Variants in TVP23A observed in about 807,000 individuals in gnomAD.
TVP23A encodes trans-golgi network vesicle protein 23 homolog A, also known as Golgi apparatus membrane protein TVP23 homolog A.
TVP23A carries 21 observed loss-of-function variants against 31.7 expected under a neutral mutation model. The ratio of observed to expected loss-of-function variants is 0.66; its 90% confidence interval spans 0.47 to 0.95. The LOEUF is 0.95. TVP23A is among the 40% of genes least tolerant of loss of function. The pLI, the probability that TVP23A is intolerant of heterozygous loss-of-function variation, is 0.00. For synonymous variants in TVP23A, 104 were observed against 96.0 expected (o/e 1.08, Z -0.49); for missense variants, 279 against 255.6 (o/e 1.09, Z -0.62).
intron 2 of TVP23A, among the ~76,000 whole-genome samples, chr16:10,810,092 G>A (rs910379417): frequency 6.6e-6 from 1 of 152,124 alleles, no homozygotes; most frequent in Non-Finnish European, 1.5e-5. Context: ...AAACCGGGAT[G>A]AACCTGGAAA....
intron 2 of TVP23A, among the ~76,000 whole-genome samples, chr16:10,805,041 T>A (rs2033879437): frequency 6.6e-6 from 1 of 152,054 alleles, no homozygotes; most frequent in African/African-American, 2.4e-5. Flanking sequence ...ATCTTTTCTT[T>A]TTCTTTCTTT....
chr16:10,818,221 G>T lies in TVP23A; in HGVS notation c.10-39C>A. ...AAGGGCAGGTGGCAGGCCCAAGCAC[G>T]GCGCACACCCCAACCCCACCCGCCC... On this transcript the variant is annotated intron_variant, in intron 1 of 7. Transcript: ENST00000299866. This position sits in a 1 kb window ranked among gnomAD's most constrained non-coding sequence, Gnocchi z 4.7. 1 of 1,534,842 alleles carries T rather than the reference G, an allele frequency of 6.5e-7. No homozygotes were observed. Among genetic ancestry groups the T allele is most frequent in the Non-Finnish European group, 8.9e-7 (1 of 1,128,060 alleles).
chr16:10,784,689 C>T (rs959563770), intron 2 of TVP23A, among the ~76,000 whole-genome samples: 1 of 152,028 alleles, frequency 6.6e-6, no homozygotes. Flanking sequence ...TCAAGTGTAA[C>T]ACATATACCA....
rs8057080 is a variant in TVP23A at position 10,780,766 on chromosome 16, T to C, written c.90-5670A>G. Among the ~76,000 whole-genome samples the C allele has an allele frequency of 2.6e-5, 4 of 152,204 alleles. No individual in the cohort carries two copies. The South Asian group carries it at 8.3e-4, about 32-fold the overall frequency. ...ATAAAAGTGCCTGAAACACACACCA[T>C]GCTCAAAAACAGGTGACAGCCATTA... On this transcript the variant is annotated intron_variant, in intron 2 of 7. Coordinates refer to ENST00000299866, the MANE Select transcript of TVP23A (RefSeq NM_001079512.4).
chr16:10,787,523 C>T (rs1014476890), intron 2 of TVP23A, among the ~76,000 whole-genome samples: 1 of 152,142 alleles, frequency 6.6e-6, no homozygotes, highest in African/African-American at 2.4e-5. Flanking sequence ...AAGTGGAAAG[C>T]TCATTTGCAT....
chr16:10,763,648 G>T (rs1427329412), downstream of TVP23A: 2 of 152,382 alleles, frequency 1.3e-5, no homozygotes, highest in South Asian at 2.1e-4. Flanking sequence ...GATGTGATTG[G>T]GGACAGGAGC....
intron 2 of TVP23A, among the ~76,000 whole-genome samples, chr16:10,810,625 C>A (rs114128779): frequency 0.011 from 1,628 of 152,062 alleles, 27 homozygotes; most frequent in African/African-American, 0.038. Context: ...TTATCCAAAC[C>A]TTTGAGGGCC....
chr16:10,770,582 A>AAT, intron 6 of TVP23A, among the ~76,000 whole-genome samples: 1 of 151,504 alleles, frequency 6.6e-6, no homozygotes. Context: ...AAAAAACAAA[A>AAT]CAAAAACAAG....
At chr16:10,761,368 T>C in exon 9 of TVP23A, 1 of 1,613,776 alleles carries the variant, frequency 6.2e-7, no homozygotes. Flanking sequence ...TCGTAGGAGG[T>C]GTCACTCCAG....
chr16:10,762,613 G>A (rs976421140), downstream of TVP23A, among the ~76,000 whole-genome samples: 4 of 152,344 alleles, frequency 2.6e-5, no homozygotes, highest in African/African-American at 7.2e-5. Context: ...TCCAGCACTC[G>A]CCTTTAGGTC....
chr16:10,803,241 G>A (rs908857473), intron 2 of TVP23A, among the ~76,000 whole-genome samples: 3 of 145,982 alleles, frequency 2.1e-5, no homozygotes, highest in African/African-American at 5.0e-5. Flanking sequence ...CCGAGATCGC[G>A]CCACTGTGTG....
chr16:10,788,152 C>T (rs532619088), intron 2 of TVP23A, among the ~76,000 whole-genome samples: 3 of 152,152 alleles, frequency 2.0e-5, no homozygotes, highest in East Asian at 1.9e-4. Context: ...ACAGGGAGGG[C>T]GCTTCTGGGT....
intron 5 of TVP23A, among the ~76,000 whole-genome samples, chr16:10,772,352 C>A (rs772041448): frequency 1.3e-5 from 2 of 152,074 alleles, no homozygotes; most frequent in African/African-American, 4.8e-5. Flanking sequence ...TTACTATCTA[C>A]AAATATTTTG....
chr16:10,763,962 A>G (rs1313772367), downstream of TVP23A: 2 of 185,192 alleles, frequency 1.1e-5, no homozygotes, highest in South Asian at 7.2e-5. Context: ...CTCAGCCCAC[A>G]GGAGTATCTC....
At chr16:10,786,402 G>A (rs1232840652) in intron 2 of TVP23A, among the ~76,000 whole-genome samples, 1 of 151,766 alleles carries the variant, frequency 6.6e-6, no homozygotes, top group East Asian at 1.9e-4. Flanking sequence ...TCACACCACT[G>A]CACTCCAGCC....
chr16:10,780,867 C>T (rs530094694), intron 2 of TVP23A, among the ~76,000 whole-genome samples: 9 of 151,972 alleles, frequency 5.9e-5, no homozygotes, highest in Non-Finnish European at 1.0e-4. Context: ...CCCCTCTGAC[C>T]ACAACTTTCT....
At position 10,814,741 on chromosome 16, in the gene TVP23A, T is replaced by C. The variant is rs148823273; in HGVS notation, c.89+3362A>G. ...TTGTCCCTCAGGCGCCCTGGCCACA[T>C]TTCAGACATTTAATCACCACAGGTG... On this transcript the variant is annotated intron_variant, in intron 2 of 7. Transcript: ENST00000299866. Among the ~76,000 whole-genome samples, 6 of 152,306 alleles carry C rather than the reference T, an allele frequency of 3.9e-5. No homozygotes were observed. In the East Asian group the frequency reaches 5.8e-4, roughly 15 times the overall value.
chr16:10,776,094 G>T (rs371880822), intron 2 of TVP23A, among the ~76,000 whole-genome samples: 114 of 151,626 alleles, frequency 7.5e-4, no homozygotes, highest in African/African-American at 2.6e-3. Flanking sequence ...TCTGATATAG[G>T]CCAGGCACGG....
chr16:10,790,477 G>A (rs1309003090), intron 2 of TVP23A, among the ~76,000 whole-genome samples: 1 of 151,942 alleles, frequency 6.6e-6, no homozygotes, highest in Non-Finnish European at 1.5e-5. Context: ...AGTAGAGACA[G>A]GGTTTCACCG....
Sources: allele counts gnomAD v4.1 joint callset (sites outside exome capture counted in the v4.1 genomes callset), GRCh38; gene constraint gnomAD v4.1.1; non-coding constraint Gnocchi (gnomAD v3.1); transcripts MANE v1.5; gene names NCBI Gene and HGNC (gene_info 2026-07-23, HGNC 2026-07-21).